The following NCKAP5 variants were observed in gnomAD, a reference collection of about 807,000 sequenced individuals.
NCKAP5 encodes the protein NCK associated protein 5.
In NCKAP5, 92 loss-of-function variants were observed where a neutral mutation model predicts 167.0. The ratio of observed to expected loss-of-function variants is 0.55; its 90% confidence interval spans 0.47 to 0.66. The LOEUF is 0.66. Among genes scored for constraint, NCKAP5 ranks in the 30% least tolerant of loss-of-function variants. NCKAP5 has a pLI of 0.00. For synonymous variants in NCKAP5, 891 were observed against 877.4 expected (o/e 1.02, Z -0.27); for missense variants, 2,378 against 2,315.0 (o/e 1.03, Z -0.56).
chr2:133,471,341 A>C (rs1679283158), intron 3 of NCKAP5, among the ~76,000 whole-genome samples: 1 of 150,956 alleles, frequency 6.6e-6, no homozygotes, highest in Non-Finnish European at 1.5e-5. Context: ...AAAACCTTAA[A>C]ATTGGTAATT....
the NCKAP5 span, among the ~76,000 whole-genome samples, chr2:133,583,081 T>C: frequency 6.6e-6 from 1 of 152,076 alleles, no homozygotes; most frequent in Non-Finnish European, 1.5e-5. Flanking sequence ...ATGATACTTC[T>C]TGGAATTGAT....
intron 19 of NCKAP5, among the ~76,000 whole-genome samples, chr2:132,699,477 C>A (rs775821054): frequency 1.3e-5 from 2 of 151,808 alleles, no homozygotes. Context: ...TATCCCTCCC[C>A]ACTCCCCCCT....
chr2:133,286,257 A>G lies in NCKAP5; in HGVS notation c.143+16780T>C, dbSNP rs577767200. On this transcript the variant is annotated intron_variant, in intron 4 of 19. Transcript: ENST00000409261. ...GTGATCCGCCTGCCTCGGCCTCCCA[A>G]AGTGCTGGGATTACAGGCGTGAGAC... Among the ~76,000 whole-genome samples, 289 of 152,162 alleles carry G rather than the reference A, an allele frequency of 1.9e-3. 1 individual carries two copies. The highest frequency in any genetic ancestry group is 6.6e-3 in the African/African-American group (276 of 41,532).
chr2:133,339,010 A>AC (rs1683402244), intron 3 of NCKAP5, among the ~76,000 whole-genome samples: 1 of 151,974 alleles, frequency 6.6e-6, no homozygotes, highest in South Asian at 2.1e-4. Context: ...ACAGAGTGAG[A>AC]CTCCATCTCA....
chr2:133,220,966 G>A (rs1026492989), intron 4 of NCKAP5, among the ~76,000 whole-genome samples: 3 of 152,152 alleles, frequency 2.0e-5, no homozygotes, highest in African/African-American at 4.8e-5. Flanking sequence ...GAGCAGCAAC[G>A]GCACTTAGTG....
intron 6 of NCKAP5, among the ~76,000 whole-genome samples, chr2:133,027,652 G>C (rs1437576629): frequency 6.6e-6 from 1 of 152,144 alleles, no homozygotes; most frequent in African/African-American, 2.4e-5. Flanking sequence ...GACTAGAACT[G>C]TTAGGTTCCT....
intron 8 of NCKAP5, among the ~76,000 whole-genome samples, chr2:132,946,081 A>G (rs1194817380): frequency 2.0e-5 from 3 of 152,238 alleles, no homozygotes; most frequent in Non-Finnish European, 2.9e-5. Context: ...AGGGAGGTGG[A>G]TGTAGCTAAA....
chr2:132,687,712 AACACACACACACACAC>A (rs3069016), intron 19 of NCKAP5, among the ~76,000 whole-genome samples: 5,035 of 131,648 alleles, frequency 0.038, 293 homozygotes, highest in African/African-American at 0.14. Flanking sequence ...CACCTACCTA[AACACACACACACACAC>A]ACACACACAC....
At chr2:133,071,886 A>G (rs1233548673) in intron 6 of NCKAP5, among the ~76,000 whole-genome samples, 2 of 152,184 alleles carry the variant, frequency 1.3e-5, no homozygotes, top group Non-Finnish European at 2.9e-5. Context: ...TACCTGTTTC[A>G]GATCCCACCT....
intron 5 of NCKAP5, among the ~76,000 whole-genome samples, chr2:133,187,611 C>T (rs1053766166): frequency 6.6e-6 from 1 of 151,912 alleles, no homozygotes; most frequent in Non-Finnish European, 1.5e-5. Context: ...TTAGATAAAT[C>T]AAAGATAATC....
rs113791365 is a variant in NCKAP5, at chr2:132,780,274, C to T, written c.5049+778G>A. Among the ~76,000 whole-genome samples, 98 of 152,278 alleles carry T rather than the reference C, an allele frequency of 6.4e-4. 1 individual carries two copies. Among genetic ancestry groups the T allele is most frequent in the African/African-American group, 2.3e-3 (95 of 41,556 alleles). On this transcript the variant is annotated intron_variant, in intron 15 of 19. Coordinates refer to ENST00000409261, the MANE Select transcript of NCKAP5 (RefSeq NM_207363.3). ...TCATGCCATTCTCCTGCCTCAGCCT[C>T]CCAAGTCGCTGGGACTGCAGGCGCC... is the stretch of plus-strand genomic sequence containing the variant.
chr2:133,384,566 A>G (rs1686787769), intron 3 of NCKAP5, among the ~76,000 whole-genome samples: 1 of 152,174 alleles, frequency 6.6e-6, no homozygotes, highest in African/African-American at 2.4e-5. Flanking sequence ...TGTGAATTTT[A>G]AAGTAGTTTT....
rs758379888 is a variant in NCKAP5 at position 132,782,958 on chromosome 2, T to C, written c.3853A>G (p.Lys1285Glu). 32 of 1,613,862 alleles carry C rather than the reference T, an allele frequency of 2.0e-5. No individual in the cohort carries two copies. The highest frequency in any genetic ancestry group is 2.5e-6 in the Non-Finnish European group (3 of 1,179,888). Reference protein sequence around the residue: ...SHSFSTHSGDKPSTPPIEGSG... With the variant: ...SHSFSTHSGDEPSTPPIEGSG... Reference sequence around the variant, plus strand: ...CCTTCGATGGGGGGCGTAGAAGGCTTGTCTCCTGAGTGTGTACTGAAGCTG... The same window carrying C: ...CCTTCGATGGGGGGCGTAGAAGGCTCGTCTCCTGAGTGTGTACTGAAGCTG... Residue 1285 changes from lysine (K) to glutamate (E), a missense_variant, in exon 14 of 20, where the codon AAG (lysine) becomes GAG (glutamate). Physicochemically the swap from Lys to Glu is moderately conservative, Grantham distance 56 (BLOSUM62 1). This residue lies in a region of NCKAP5 where 1,325 missense variants were observed against 1,274.5 expected (regional missense o/e 1.04). Coordinates refer to ENST00000409261, the MANE Select transcript of NCKAP5 (RefSeq NM_207363.3).
At chr2:133,322,998 G>C (rs1438450612) in intron 3 of NCKAP5, among the ~76,000 whole-genome samples, 6 of 152,154 alleles carry the variant, frequency 3.9e-5, no homozygotes, top group Non-Finnish European at 7.3e-5. Context: ...GGGCCTCTAG[G>C]ATTTTGAGTA....
At chr2:132,778,895 G>A (rs1205701271) in intron 15 of NCKAP5, among the ~76,000 whole-genome samples, 5 of 152,112 alleles carry the variant, frequency 3.3e-5, no homozygotes, top group African/African-American at 2.4e-5. Flanking sequence ...CTATAGCAAC[G>A]TCCTTTGTGA....
chr2:133,187,760 T>C (rs1367848457), intron 5 of NCKAP5, among the ~76,000 whole-genome samples: 1 of 152,068 alleles, frequency 6.6e-6, no homozygotes, highest in African/African-American at 2.4e-5. Context: ...TTGATCTTTG[T>C]TGGTTTAAAA....
At chr2:132,910,411 G>A (rs553504221) in intron 8 of NCKAP5, among the ~76,000 whole-genome samples, 31 of 151,388 alleles carry the variant, frequency 2.0e-4, no homozygotes, top group African/African-American at 6.6e-4. Flanking sequence ...CCCCGAGCAC[G>A]CCCCCAACTA....
chr2:133,284,635 A>G (rs1187152639), intron 4 of NCKAP5: 2 of 152,194 alleles, frequency 1.3e-5, no homozygotes, highest in East Asian at 3.9e-4. Context: ...CATTCAAGGA[A>G]CCAATCTCTA....
chr2:132,675,837 T>G (rs1198944100), intron 19 of NCKAP5, among the ~76,000 whole-genome samples: 2 of 141,016 alleles, frequency 1.4e-5, no homozygotes, highest in African/African-American at 6.4e-5. Flanking sequence ...AAGGGACCAT[T>G]ATTTAAAAAA....
Sources: gnomAD v4.1 joint callset for allele counts (sites outside exome capture counted in the v4.1 genomes callset) on GRCh38, gnomAD v4.1.1 for gene constraint, gnomAD v4.1.1 regional missense constraint, MANE v1.5 for transcripts, NCBI Gene and HGNC (gene_info 2026-07-23, HGNC 2026-07-21) for gene names.